The following EXOC4 variants were observed in gnomAD, a reference collection of about 807,000 sequenced individuals.
The protein encoded by EXOC4 is exocyst complex component 4.
Under a neutral mutation model 107.2 loss-of-function variants are expected in EXOC4, and 71 were observed. That is an observed-to-expected ratio of 0.66 (90% confidence interval 0.55 to 0.81). EXOC4 has a LOEUF of 0.81. EXOC4 is among the 30% of genes least tolerant of loss of function. The pLI is 0.00. For missense variants in EXOC4, 1,108 were observed against 1,189.6 expected, an observed-to-expected ratio of 0.93 and a Z score of 1.01; for synonymous variants, 456 against 441.2, an observed-to-expected ratio of 1.03 and a Z score of -0.42.
intron 16 of EXOC4, among the ~76,000 whole-genome samples, chr7:134,006,989 G>A (rs1794657001): frequency 6.6e-6 from 1 of 152,054 alleles, no homozygotes; most frequent in African/African-American, 2.4e-5. Flanking sequence ...TTGTGGGGGG[G>A]CCCCAAAATG....
rs1304687811 is a variant in EXOC4 at position 133,857,122 on chromosome 7, A to G, written c.1735-38477A>G. Among the ~76,000 whole-genome samples the G allele has an allele frequency of 4.4e-5, 4 of 90,606 alleles. No homozygotes were observed. In the Admixed American group the frequency reaches 5.6e-4, roughly 13 times the overall value. The allele number at this position is 90,606 out of a possible 152,430, so 59.4% of individuals were successfully genotyped here. A position where few individuals can be genotyped will look rare whatever the true frequency, so the allele number is the denominator to read the frequency against. On this transcript the variant is annotated intron_variant, in intron 11 of 17. Coordinates refer to ENST00000253861, the MANE Select transcript of EXOC4 (RefSeq NM_021807.4). ...TATATATATATATATGTGTATATAT[A>G]TATGTATATATATATACACATACAC...
intron 7 of EXOC4, among the ~76,000 whole-genome samples, chr7:133,400,030 A>G (rs898877887): frequency 3.3e-5 from 5 of 152,234 alleles, no homozygotes; most frequent in Admixed American, 1.3e-4. Context: ...GTTAGGCACA[A>G]TGCTCAGCAC....
At position 133,288,910 on chromosome 7, in the gene EXOC4, G is replaced by T; in HGVS notation, c.277-12G>T. The T allele has an allele frequency of 6.2e-7, 1 of 1,613,444 alleles. No homozygotes were observed. Among genetic ancestry groups the T allele is most frequent in the Non-Finnish European group, 8.5e-7 (1 of 1,179,464 alleles). On this transcript the variant is annotated splice_polypyrimidine_tract_variant and intron_variant, in intron 2 of 17. Coordinates refer to ENST00000253861, the MANE Select transcript of EXOC4 (RefSeq NM_021807.4). ...TTTGGACTGACCCAAGACCGAATCT[G>T]TTTTATTGTAGGTAAAAGAGAACCT... is the stretch of plus-strand genomic sequence containing the variant.
intron 7 of EXOC4, among the ~76,000 whole-genome samples, chr7:133,376,547 G>A (rs1796494908): frequency 6.6e-6 from 1 of 152,184 alleles, no homozygotes; most frequent in Non-Finnish European, 1.5e-5. Context: ...CACTAGGTGA[G>A]CTTTACCTTC....
intron 9 of EXOC4, among the ~76,000 whole-genome samples, chr7:133,568,065 A>G (rs986319860): frequency 6.6e-6 from 1 of 152,014 alleles, no homozygotes; most frequent in African/African-American, 2.4e-5. Context: ...CAAATTCTTG[A>G]CTCATTCCCA....
chr7:133,423,774 T>C (rs1432299046), intron 7 of EXOC4, among the ~76,000 whole-genome samples: 1 of 151,962 alleles, frequency 6.6e-6, no homozygotes, highest in East Asian at 1.9e-4. Context: ...GGGCCAGCGC[T>C]GCGCGCAGGC....
intron 7 of EXOC4, among the ~76,000 whole-genome samples, chr7:133,392,706 A>G (rs1260394583): frequency 6.6e-6 from 1 of 152,236 alleles, no homozygotes; most frequent in Non-Finnish European, 1.5e-5. Context: ...TTGACTCCTT[A>G]TGCTGTGACA....
intron 14 of EXOC4, among the ~76,000 whole-genome samples, chr7:133,985,680 G>A (rs2116932432): frequency 6.6e-6 from 1 of 152,170 alleles, no homozygotes; most frequent in South Asian, 2.1e-4. Context: ...GCCCCAAATT[G>A]CAATTCTTAC....
intron 10 of EXOC4, among the ~76,000 whole-genome samples, chr7:133,679,477 G>A (rs1794138024): frequency 1.3e-5 from 2 of 152,072 alleles, no homozygotes. Flanking sequence ...CAGAGCTGCT[G>A]AGAGCAGAGC....
chr7:133,611,231 A>G (rs558380478), intron 9 of EXOC4, among the ~76,000 whole-genome samples: 2 of 152,258 alleles, frequency 1.3e-5, no homozygotes, highest in South Asian at 4.1e-4. Flanking sequence ...GTGTAGTGGC[A>G]GAGGTTTTGT....
chr7:133,504,384 T>C (rs1270437383), intron 9 of EXOC4, among the ~76,000 whole-genome samples: 2 of 152,158 alleles, frequency 1.3e-5, no homozygotes, highest in Admixed American at 6.6e-5. Flanking sequence ...TTTTCTCCTT[T>C]AATGTGAAGA....
At chr7:133,581,265 A>T (rs1286852339) in intron 9 of EXOC4, among the ~76,000 whole-genome samples, 2 of 152,216 alleles carry the variant, frequency 1.3e-5, no homozygotes, top group East Asian at 3.8e-4. Context: ...TGACATAGTC[A>T]AAGACTTCTA....
At chr7:133,941,581 G>T (rs11773892) in intron 14 of EXOC4, among the ~76,000 whole-genome samples, 36,172 of 151,836 alleles carry the variant, frequency 0.24, 5,548 homozygotes, top group Non-Finnish European at 0.34. Context: ...CACACCAAAG[G>T]TACCACTCTT....
chr7:133,629,155 C>G (rs1272200024), intron 9 of EXOC4, among the ~76,000 whole-genome samples: 2 of 151,560 alleles, frequency 1.3e-5, no homozygotes, highest in African/African-American at 4.9e-5. Flanking sequence ...AGGAGCTATT[C>G]AATAAGGAAA....
At chr7:133,913,026 G>C (rs1799731064) in intron 12 of EXOC4, among the ~76,000 whole-genome samples, 1 of 152,134 alleles carries the variant, frequency 6.6e-6, no homozygotes, top group African/African-American at 2.4e-5. Flanking sequence ...GATGTACCAA[G>C]GGAGGAGCTG....
intron 13 of EXOC4, among the ~76,000 whole-genome samples, chr7:133,922,087 A>G (rs1799949108): frequency 1.3e-5 from 2 of 151,598 alleles, no homozygotes; most frequent in African/African-American, 4.8e-5. Context: ...TAGAGTTTTC[A>G]TCTCTTCTTA....
rs573603178 is a variant in EXOC4, at chr7:133,902,201, G to C, written c.1871+6466G>C. On this transcript the variant is annotated intron_variant, in intron 12 of 17. Coordinates refer to ENST00000253861, the MANE Select transcript of EXOC4 (RefSeq NM_021807.4). ...TATGAACATCAGGGATTTGCTCCCA[G>C]GCATTTTCTCCTGTGTGTCAGGATA... is the stretch of plus-strand genomic sequence containing the variant. 6.6e-4 allele frequency among the ~76,000 whole-genome samples: 100 copies of C among 152,248 alleles called. No individual in the cohort carries two copies. In the South Asian group the frequency reaches 9.5e-3, roughly 15 times the overall value.
intron 12 of EXOC4, among the ~76,000 whole-genome samples, chr7:133,899,672 A>G (rs894188616): frequency 1.3e-5 from 2 of 149,850 alleles, no homozygotes; most frequent in African/African-American, 2.5e-5. Context: ...ATCTTTCTCC[A>G]TTACCCATTA....
intron 6 of EXOC4, among the ~76,000 whole-genome samples, chr7:133,368,608 A>T (rs1277752606): frequency 6.6e-6 from 1 of 152,124 alleles, no homozygotes; most frequent in Admixed American, 6.6e-5. Flanking sequence ...AAATTTGGAG[A>T]AGTCTATGAT....
Sources: gnomAD v4.1 joint callset for allele counts (sites outside exome capture counted in the v4.1 genomes callset) on GRCh38, gnomAD v4.1.1 for gene constraint, MANE v1.5 for transcripts, NCBI Gene and HGNC (gene_info 2026-07-23, HGNC 2026-07-21) for gene names.